PHLPP1: variants seen among roughly 807,000 people sequenced by gnomAD.
PHLPP1 encodes PH domain and leucine rich repeat protein phosphatase 1.
Under a neutral mutation model 117.2 loss-of-function variants are expected in PHLPP1, and 42 were observed. That is an observed-to-expected ratio of 0.36 (90% CI 0.28 to 0.46). PHLPP1 has a LOEUF of 0.46. Among genes scored for constraint, PHLPP1 ranks in the 20% least tolerant of loss-of-function variants. The pLI is 1.00. For synonymous variants in PHLPP1, 1,042 were observed against 970.7 expected, an observed-to-expected ratio of 1.07 and a Z score of -1.37; for missense variants, 2,084 against 2,241.9, an observed-to-expected ratio of 0.93 and a Z score of 1.42.
intron 10 of PHLPP1, among the ~76,000 whole-genome samples, chr18:62,920,336 G>A (rs1295909044): frequency 6.6e-6 from 1 of 152,210 alleles, no homozygotes; most frequent in Non-Finnish European, 1.5e-5. Flanking sequence ...CTGGAGCAAA[G>A]TAGGTTACAT....
chr18:62,903,967 CAGTCAGTAAACT>C (rs1405168417), intron 7 of PHLPP1, among the ~76,000 whole-genome samples: 1 of 152,158 alleles, frequency 6.6e-6, no homozygotes, highest in Non-Finnish European at 1.5e-5. Flanking sequence ...CCATTCCCTA[CAGTCAGTAAACT>C]GAATGAAAAC....
At chr18:62,866,027 TTAAAA>T (rs560881928) in intron 4 of PHLPP1, among the ~76,000 whole-genome samples, 1 of 152,142 alleles carries the variant, frequency 6.6e-6, no homozygotes, top group East Asian at 1.9e-4. Flanking sequence ...AGCTTTGAAC[TTAAAA>T]TAAAAGTTAA....
intron 1 of PHLPP1, among the ~76,000 whole-genome samples, chr18:62,819,292 G>A (rs969776472): frequency 1.3e-5 from 2 of 152,184 alleles, no homozygotes; most frequent in Non-Finnish European, 2.9e-5. Context: ...TACTTATGGT[G>A]TTCATGAAGT....
At chr18:62,892,082 C>CTTTTTTTTT (rs200141250) in intron 4 of PHLPP1, among the ~76,000 whole-genome samples, 13 of 107,964 alleles carry the variant, frequency 1.2e-4, no homozygotes, top group Non-Finnish European at 1.8e-4. Flanking sequence ...TTCTTTCTTT[C>CTTTTTTTTT]TTTTTTTTTT....
chr18:62,912,053 C>CA (rs1048569667), intron 8 of PHLPP1, among the ~76,000 whole-genome samples: 1 of 102,560 alleles, frequency 9.8e-6, no homozygotes, highest in Non-Finnish European at 2.0e-5. Context: ...ATCGCAAGAA[C>CA]AAAAAACCAA....
intron 10 of PHLPP1, among the ~76,000 whole-genome samples, chr18:62,930,020 C>T (rs1333362174): frequency 6.6e-6 from 1 of 152,018 alleles, no homozygotes; most frequent in African/African-American, 2.4e-5. Context: ...GTAGAAGGAG[C>T]TTATCGATTG....
intron 1 of PHLPP1, chr18:62,779,667 CTT>C (rs1913064839): frequency 3.3e-5 from 5 of 151,330 alleles, no homozygotes; most frequent in Admixed American, 3.3e-4. Flanking sequence ...CAGATACTGT[CTT>C]TTGTGGCTGG....
At chr18:62,954,411 A>G (rs1037179714) in intron 12 of PHLPP1, among the ~76,000 whole-genome samples, 2 of 152,152 alleles carry the variant, frequency 1.3e-5, no homozygotes, top group Non-Finnish European at 2.9e-5. Flanking sequence ...GTCTTTTTTT[A>G]TTCCAGTTTC....
intron 3 of PHLPP1, among the ~76,000 whole-genome samples, chr18:62,851,342 A>G (rs1915344744): frequency 6.6e-6 from 1 of 151,552 alleles, no homozygotes; most frequent in South Asian, 2.1e-4. Flanking sequence ...TTGTTTCCAT[A>G]CTCTTATTTT....
At chr18:62,806,120 TATC>T (rs1363503995) in intron 1 of PHLPP1, among the ~76,000 whole-genome samples, 1 of 152,152 alleles carries the variant, frequency 6.6e-6, no homozygotes, top group Admixed American at 6.5e-5. Flanking sequence ...AAGAATTTTA[TATC>T]ATATCCTTAC....
chr18:62,929,083 A>G (rs1385150951), intron 10 of PHLPP1, among the ~76,000 whole-genome samples: 1 of 152,194 alleles, frequency 6.6e-6, no homozygotes, highest in East Asian at 1.9e-4. Flanking sequence ...CAAGTTTGTG[A>G]AAAAAACTAA....
At chr18:62,915,044 T>C in intron 9 of PHLPP1, 36 bp downstream of exon 9, 1 of 1,442,540 alleles carries the variant, frequency 6.9e-7, no homozygotes, top group Non-Finnish European at 9.6e-7. Flanking sequence ...GATCTCACAA[T>C]AAATGAGCAA....
chr18:62,931,878 G>GAAAAAA (rs61550621), intron 10 of PHLPP1, among the ~76,000 whole-genome samples: 7 of 76,458 alleles, frequency 9.2e-5, no homozygotes, highest in South Asian at 4.4e-4. Flanking sequence ...CTGGGCGACA[G>GAAAAAA]AAAAAAAAAA....
chr18:62,727,858 C>T (rs958985406), intron 1 of PHLPP1, among the ~76,000 whole-genome samples: 7 of 152,024 alleles, frequency 4.6e-5, no homozygotes, highest in Admixed American at 4.6e-4. Context: ...TTATGTGCTT[C>T]TGGATATGGA....
intron 1 of PHLPP1, among the ~76,000 whole-genome samples, chr18:62,759,338 A>G (rs1912136861): frequency 6.6e-6 from 1 of 152,236 alleles, no homozygotes; most frequent in African/African-American, 2.4e-5. Flanking sequence ...CACCTGTTAA[A>G]TGAAAACTCT....
At chr18:62,748,896 C>A (rs1221278839) in intron 1 of PHLPP1, among the ~76,000 whole-genome samples, 1 of 152,002 alleles carries the variant, frequency 6.6e-6, no homozygotes, top group East Asian at 1.9e-4. Flanking sequence ...GTAGTGTGTT[C>A]TTTAGTTCTC....
chr18:62,906,353 G>C (rs866051295), intron 8 of PHLPP1: 1 of 152,522 alleles, frequency 6.6e-6, no homozygotes, highest in Admixed American at 6.6e-5. Flanking sequence ...CAGCGTGAGC[G>C]ACGCAGAAGA....
chr18:62,840,641 G>T (rs187675692), intron 3 of PHLPP1, among the ~76,000 whole-genome samples: 36 of 152,276 alleles, frequency 2.4e-4, no homozygotes, highest in African/African-American at 8.7e-4. Flanking sequence ...GCCTAACTAG[G>T]ATCAAAGTGC....
intron 4 of PHLPP1, among the ~76,000 whole-genome samples, chr18:62,868,787 G>A (rs1290621735): frequency 1.3e-5 from 2 of 152,116 alleles, no homozygotes; most frequent in Non-Finnish European, 2.9e-5. Flanking sequence ...TGTCTGATAA[G>A]ACAGTATTAC....
Sources: allele counts gnomAD v4.1 joint callset (sites outside exome capture counted in the v4.1 genomes callset), GRCh38; gene constraint gnomAD v4.1.1; transcripts MANE v1.5; gene names NCBI Gene and HGNC (gene_info 2026-07-23, HGNC 2026-07-21).